Variants in CTNNA2 observed in about 807,000 individuals in gnomAD.
CTNNA2 encodes catenin alpha 2.
A neutral mutation model predicts 101.0 loss-of-function variants in CTNNA2; 42 were observed. That is an observed-to-expected ratio of 0.42 (90% CI 0.32 to 0.54). The LOEUF (loss-of-function observed/expected upper bound fraction) is 0.54, where lower values mean the gene tolerates loss of function less well. Ranked by LOEUF, CTNNA2 falls within the 20% of genes least tolerant of loss-of-function variation. The pLI, the probability that CTNNA2 is intolerant of heterozygous loss-of-function variation, is 0.14. For synonymous variants in CTNNA2, 450 were observed against 456.4 expected, an observed-to-expected ratio of 0.99 and a Z score of 0.18; for missense variants, 871 against 1,223.1, an observed-to-expected ratio of 0.71 and a Z score of 4.29.
At chr2:79,769,862 T>C (rs1347423282) in intron 3 of CTNNA2, among the ~76,000 whole-genome samples, 1 of 152,234 alleles carries the variant, frequency 6.6e-6, no homozygotes, top group African/African-American at 2.4e-5. Context: ...CCAATAGAAC[T>C]TTCTGCAATA....
chr2:79,680,292 G>T (rs1374923491), intron 2 of CTNNA2, among the ~76,000 whole-genome samples: 1 of 151,826 alleles, frequency 6.6e-6, no homozygotes, highest in African/African-American at 2.4e-5. Context: ...AACTGAAAAG[G>T]TAGGTTACTT....
chr2:79,710,424 T>C (rs1306948578), intron 2 of CTNNA2, among the ~76,000 whole-genome samples: 1 of 152,220 alleles, frequency 6.6e-6, no homozygotes, highest in East Asian at 1.9e-4. Context: ...TGTCTAGGAA[T>C]ATGCATGAAG....
rs199921745 is a variant in CTNNA2 at position 80,589,324 on chromosome 2, G to C, written c.2028G>C (p.Pro676=). 6.2e-7 allele frequency: 1 copy of C among 1,613,992 alleles called. No homozygotes were observed. The highest frequency in any genetic ancestry group is 2.2e-5 in the East Asian group (1 of 44,852). ...CGCAGGCCATCATGGCGCAACTACC[G>C]CAGGAGGAGAAGGCAAAAATAGCTG... ...QSARAIMAQL[P]QEEKAKIAEQ... Residue 676 remains proline (P), a synonymous_variant, in exon 15 of 19, where the codon CCG becomes CCC. Coordinates refer to ENST00000402739, the MANE Select transcript of CTNNA2 (RefSeq NM_001282597.3).
chr2:79,699,656 T>G (rs568165198), intron 2 of CTNNA2, among the ~76,000 whole-genome samples: 223 of 151,548 alleles, frequency 1.5e-3, no homozygotes, highest in African/African-American at 5.0e-3. Flanking sequence ...ATGTTAGACA[T>G]CCCAACAGTA....
rs1265362611 is a variant in CTNNA2, at chr2:79,234,536, A to G, written c.-406+36460A>G. ...CTTGGGGGTGGTCATTTTTTGTAGT[A>G]TCTTTCAGGAGTTCTCTATATTTTT... On this transcript the variant is annotated intron_variant, in intron 2 of 21. Transcript: ENST00000466387. 2.6e-5 allele frequency among the ~76,000 whole-genome samples: 4 copies of G among 152,034 alleles called. No individual in the cohort carries two copies. The East Asian group carries it at 5.8e-4, about 22-fold the overall frequency.
chr2:80,061,661 A>G (rs1238946352), intron 7 of CTNNA2, among the ~76,000 whole-genome samples: 3 of 152,216 alleles, frequency 2.0e-5, no homozygotes, highest in African/African-American at 4.8e-5. Context: ...TTTTTTGTTC[A>G]AATATATATA....
At chr2:79,217,479 G>A (rs535728875) in intron 2 of CTNNA2, among the ~76,000 whole-genome samples, 18 of 152,132 alleles carry the variant, frequency 1.2e-4, no homozygotes, top group African/African-American at 3.6e-4. Flanking sequence ...ACAGTCAAAG[G>A]GGGGTTCTCT....
intron 7 of CTNNA2, among the ~76,000 whole-genome samples, chr2:80,148,145 C>G (rs1270895000): frequency 1.3e-5 from 2 of 152,088 alleles, no homozygotes; most frequent in East Asian, 3.9e-4. Context: ...ATCTAAATGT[C>G]TCTATTTTCA....
At chr2:80,117,947 T>C (rs1251907203) in intron 7 of CTNNA2, among the ~76,000 whole-genome samples, 1 of 152,192 alleles carries the variant, frequency 6.6e-6, no homozygotes, top group African/African-American at 2.4e-5. Flanking sequence ...CTACTGTTTT[T>C]CTTCATCCTT....
At position 80,237,787 on chromosome 2, in the gene CTNNA2, G is replaced by A. The variant is rs187278978; in HGVS notation, c.1057-155424G>A. Among the ~76,000 whole-genome samples the A allele has an allele frequency of 2.3e-3, 343 of 152,260 alleles. 1 individual carries two copies. Among genetic ancestry groups the A allele is most frequent in the Non-Finnish European group, 2.3e-3 (154 of 68,016 alleles). On this transcript the variant is annotated intron_variant, in intron 7 of 18. Coordinates refer to ENST00000402739, the MANE Select transcript of CTNNA2 (RefSeq NM_001282597.3). Reference sequence around the variant, plus strand: ...ATGAAACTCAGGATTGGGAAATGAAGCAAGAAAATGAAAGGATTTGCTTTA... The same window carrying A: ...ATGAAACTCAGGATTGGGAAATGAAACAAGAAAATGAAAGGATTTGCTTTA...
intron 6 of CTNNA2, among the ~76,000 whole-genome samples, chr2:79,895,065 T>C (rs995283753): frequency 2.0e-5 from 3 of 152,186 alleles, no homozygotes; most frequent in African/African-American, 7.2e-5. Flanking sequence ...TTGAGTTAAC[T>C]CTCTTAGGGC....
intron 7 of CTNNA2, among the ~76,000 whole-genome samples, chr2:80,297,738 A>G (rs1281518470): frequency 1.3e-5 from 2 of 152,158 alleles, no homozygotes; most frequent in African/African-American, 2.4e-5. Context: ...ACTAGACAGC[A>G]GGTTACACTC....
chr2:79,434,197 CTG>C lies in CTNNA2; in HGVS notation c.-135+60185_-135+60186del, dbSNP rs1267270722. Among the ~76,000 whole-genome samples, 3 of 149,874 alleles carry C rather than the reference CTG, an allele frequency of 2.0e-5. No homozygotes were observed. In the East Asian group the frequency reaches 6.0e-4, roughly 30 times the overall value. On this transcript the variant is annotated intron_variant, in intron 4 of 21. Coordinates refer to the CTNNA2 transcript ENST00000466387. The stretch of plus-strand genomic sequence containing the variant: ...CCTGTAGTTCCTGCTTCTTGGGAGA[CTG>C]AGGTAGGAGGATCACCTGAGCCTAG...
At position 80,579,007 on chromosome 2, in the gene CTNNA2, C is replaced by T. The variant is rs1018681041; in HGVS notation, c.1894-2699C>T. The T allele has an allele frequency of 9.2e-5, 14 of 152,132 alleles. No individual in the cohort carries two copies. The East Asian group carries it at 9.7e-4, about 11-fold the overall frequency. 9.4% of individuals were successfully genotyped at this position (152,132 alleles called of 1,614,324 possible). A position where few individuals can be genotyped will look rare whatever the true frequency, so the allele number is the denominator to read the frequency against. On this transcript the variant is annotated intron_variant, in intron 13 of 18. Coordinates refer to ENST00000402739, the MANE Select transcript of CTNNA2 (RefSeq NM_001282597.3). The stretch of plus-strand genomic sequence containing the variant: ...TAAAGCATTTTCCTATACATCTAAG[C>T]TTAGGAGTCCTGTGGGGCAGAAAGT...
In CTNNA2 at chr2:80,589,400, G is replaced by T. The variant is rs1196796842; in HGVS notation, c.2104G>T (p.Ala702Ser). Reference protein sequence around the residue: ...QEKSKLDAEVAKWDDSGNDII... With the variant: ...QEKSKLDAEVSKWDDSGNDII... Reference sequence around the variant, plus strand: ...GAAAAGCAAGCTGGATGCAGAAGTGGCCAAATGGGACGACAGCGGCAATGA... The same window carrying T: ...GAAAAGCAAGCTGGATGCAGAAGTGTCCAAATGGGACGACAGCGGCAATGA... Residue 702 changes from alanine (A) to serine (S), a missense_variant, in exon 15 of 19, where the codon GCC becomes TCC. Physicochemically the swap from Ala to Ser is moderately conservative, Grantham distance 99. Around this residue, in one of 5 missense-constraint regions of CTNNA2, gnomAD observed 93 missense variants for 223.7 expected, o/e 0.42. Transcript: ENST00000402739. 1.1e-5 allele frequency: 17 copies of T among 1,614,116 alleles called. No individual in the cohort carries two copies. Among genetic ancestry groups the T allele is most frequent in the Admixed American group, 3.3e-5 (2 of 60,016 alleles).
At chr2:80,313,352 G>T (rs1573685785) in intron 7 of CTNNA2, 3 of 1,342,592 alleles carry the variant, frequency 2.2e-6, no homozygotes, top group Non-Finnish European at 2.9e-6. Context: ...TTCATTTGTT[G>T]TAAGTCAGAT....
intron 7 of CTNNA2, among the ~76,000 whole-genome samples, chr2:80,026,838 A>ATT (rs1694959998): frequency 6.6e-6 from 1 of 152,186 alleles, no homozygotes; most frequent in Non-Finnish European, 1.5e-5. Context: ...AAATATATAT[A>ATT]ATCCCTTAAA....
At chr2:79,984,751 C>T (rs1189254080) in intron 7 of CTNNA2, among the ~76,000 whole-genome samples, 2 of 152,030 alleles carry the variant, frequency 1.3e-5, no homozygotes, top group African/African-American at 2.4e-5. Flanking sequence ...GCTCCCTGAC[C>T]CATCCTTCTG....
chr2:79,975,061 T>G (rs934684657), intron 7 of CTNNA2, among the ~76,000 whole-genome samples: 2 of 152,110 alleles, frequency 1.3e-5, no homozygotes, highest in African/African-American at 4.8e-5. Context: ...AGGAGGCTTG[T>G]TTTCTCATTT....
Sources: allele counts gnomAD v4.1 joint callset (sites outside exome capture counted in the v4.1 genomes callset), GRCh38; gene constraint gnomAD v4.1.1; regional missense constraint gnomAD v4.1.1; transcripts MANE v1.5; gene names NCBI Gene and HGNC (gene_info 2026-07-23, HGNC 2026-07-21).